Variants in LRP6 observed in about 807,000 individuals in gnomAD.
LRP6 encodes the protein LDL receptor related protein 6.
LRP6 carries 43 observed loss-of-function variants against 184.1 expected under a neutral mutation model. The ratio of observed to expected loss-of-function variants is 0.23; its 90% CI spans 0.18 to 0.30. The LOEUF is 0.30. Among genes scored for constraint, LRP6 ranks in the 10% least tolerant of loss-of-function variants. The pLI, the probability that LRP6 is intolerant of heterozygous loss-of-function variation, is 1.00. For missense variants in LRP6, 1,571 were observed against 2,005.3 expected, an observed-to-expected ratio of 0.78 and a Z score of 4.14; for synonymous variants, 719 against 684.9, an observed-to-expected ratio of 1.05 and a Z score of -0.78.
At chr12:12,249,671 A>AAGGAAG (rs1865274090) in intron 1 of LRP6, among the ~76,000 whole-genome samples, 1 of 141,452 alleles carries the variant, frequency 7.1e-6, no homozygotes, top group Admixed American at 7.1e-5. Context: ...GTGCTATAAC[A>AAGGAAG]GAAGGAAGGA....
chr12:12,248,867 T>C (rs1234229282), intron 1 of LRP6: 2 of 301,432 alleles, frequency 6.6e-6, no homozygotes, highest in Admixed American at 9.2e-5. Flanking sequence ...CATACAATAC[T>C]ACCTATTTTT....
intron 7 of LRP6, among the ~76,000 whole-genome samples, chr12:12,177,618 T>C (rs1863227636): frequency 6.6e-6 from 1 of 152,174 alleles, no homozygotes; most frequent in South Asian, 2.1e-4. Flanking sequence ...AATAAATAAC[T>C]ATATGCTGTA....
At chr12:12,216,655 T>TAAAAA (rs34936968) in intron 2 of LRP6, among the ~76,000 whole-genome samples, 1 of 137,050 alleles carries the variant, frequency 7.3e-6, no homozygotes, top group South Asian at 2.3e-4. Context: ...ACTTAAAATT[T>TAAAAA]AAAAAAAAAA....
intron 7 of LRP6, among the ~76,000 whole-genome samples, chr12:12,171,174 T>A (rs1245404437): frequency 6.6e-6 from 1 of 152,130 alleles, no homozygotes; most frequent in Non-Finnish European, 1.5e-5. Flanking sequence ...AAGAAGCAAG[T>A]CCAAGGACAC....
chr12:12,205,355 AAG>A (rs1565646821), intron 2 of LRP6, among the ~76,000 whole-genome samples: 4 of 136,230 alleles, frequency 2.9e-5, no homozygotes, highest in Admixed American at 2.1e-4. Context: ...AAAAAAAAAA[AAG>A]AGGTAATGAG....
intron 19 of LRP6, among the ~76,000 whole-genome samples, chr12:12,127,867 A>C (rs528720776): frequency 4.6e-5 from 7 of 152,328 alleles, no homozygotes; most frequent in African/African-American, 1.7e-4. Context: ...ATATGAAAGA[A>C]ATGCGTGAAA....
At chr12:12,206,814 G>A (rs1378896972) in intron 2 of LRP6, among the ~76,000 whole-genome samples, 1 of 151,212 alleles carries the variant, frequency 6.6e-6, no homozygotes, top group South Asian at 2.1e-4. Context: ...TTTTCAGGAG[G>A]GAGAAAAAAA....
At chr12:12,145,886 C>A (rs1421253585) in intron 15 of LRP6, among the ~76,000 whole-genome samples, 1 of 152,050 alleles carries the variant, frequency 6.6e-6, no homozygotes, top group East Asian at 1.9e-4. Flanking sequence ...CCCTCTTCGG[C>A]CTCTCAAAGT....
At chr12:12,260,301 C>G (rs1387192346) in intron 1 of LRP6, among the ~76,000 whole-genome samples, 1 of 151,758 alleles carries the variant, frequency 6.6e-6, no homozygotes, top group East Asian at 1.9e-4. Context: ...TGGCGTGAAC[C>G]CGGGGGGCGG....
rs1296764533 is a variant in LRP6 at position 12,266,816 on chromosome 12, A to G, written c.-81T>C. 4.4e-6 allele frequency: 5 copies of G among 1,148,816 alleles called. No individual in the cohort carries two copies. The highest frequency in any genetic ancestry group is 6.5e-6 in the Non-Finnish European group (5 of 771,958). The allele number at this position is 1,148,816 out of a possible 1,614,324, so 71.2% of individuals were successfully genotyped here. The stretch of plus-strand genomic sequence containing the variant: ...GGCGAGGAGCCGGGGCGGCCGCCGC[A>G]GCGGCAGGGCTGCACGCTCATACTT... On this transcript the variant is annotated 5_prime_UTR_variant, in exon 1 of 23. Coordinates refer to ENST00000261349, the MANE Select transcript of LRP6 (RefSeq NM_002336.3).
intron 1 of LRP6, among the ~76,000 whole-genome samples, chr12:12,254,143 C>CAAAAAAA (rs34210761): frequency 3.0e-4 from 22 of 74,270 alleles, no homozygotes; most frequent in Admixed American, 8.0e-4. Flanking sequence ...GACTCTGTCT[C>CAAAAAAA]AAAAAAAAAA....
chr12:12,171,149 T>C (rs1330310617), intron 7 of LRP6, among the ~76,000 whole-genome samples: 1 of 152,076 alleles, frequency 6.6e-6, no homozygotes, highest in African/African-American at 2.4e-5. Flanking sequence ...TTTTAAAAAA[T>C]GAAGAGAAAA....
At chr12:12,200,571 C>T (rs1325851162) in intron 3 of LRP6, among the ~76,000 whole-genome samples, 3 of 152,080 alleles carry the variant, frequency 2.0e-5, no homozygotes, top group South Asian at 4.2e-4. Flanking sequence ...TTGGGGCAGC[C>T]CCTCTCATCT....
In LRP6 at chr12:12,117,293, G is replaced by C. The variant is rs551499354; in HGVS notation, c.*3833C>G. On this transcript the variant is annotated 3_prime_UTR_variant, in exon 23 of 23. Transcript: ENST00000261349. ...CCACACTTAGTGCATAGTCTCATCT[G>C]TAGATGCCCAAATATTTGTCCACCT... The C allele has an allele frequency of 1.4e-4, 22 of 152,162 alleles. No individual in the cohort carries two copies. The highest frequency in any genetic ancestry group is 2.5e-4 in the Non-Finnish European group (17 of 68,018). 9.4% of individuals were successfully genotyped at this position (152,162 alleles called of 1,614,324 possible). A position where few individuals can be genotyped will look rare whatever the true frequency, so the allele number is the denominator to read the frequency against.
rs771597862 is a variant in LRP6, at chr12:12,147,526, C to T, written c.3237G>A (p.Arg1079=). ...GYMYFTNLQE[R]SPKIERAALD... ...AAGCAGCCCGTTCAATTTTAGGAGACCTTTCCTGAAGATTGGTAAAATACA... is the reference window on the plus strand; with the variant it reads ...AAGCAGCCCGTTCAATTTTAGGAGATCTTTCCTGAAGATTGGTAAAATACA... The change falls in exon 15 of 23, where the codon AGG becomes AGA. Residue 1079 remains arginine (R), a synonymous_variant. Transcript: ENST00000261349. The T allele has an allele frequency of 1.1e-5, 17 of 1,613,778 alleles. No homozygotes were observed. In the East Asian group the frequency reaches 3.6e-4, roughly 34 times the overall value.
intron 3 of LRP6, among the ~76,000 whole-genome samples, chr12:12,200,621 G>T (rs1401666010): frequency 1.3e-5 from 2 of 152,114 alleles, no homozygotes; most frequent in African/African-American, 4.8e-5. Flanking sequence ...TTTTGAAGTT[G>T]TTTCTGCAAA....
intron 5 of LRP6, among the ~76,000 whole-genome samples, chr12:12,182,591 T>C (rs1863370259): frequency 6.6e-6 from 1 of 152,166 alleles, no homozygotes; most frequent in Admixed American, 6.5e-5. Flanking sequence ...CAAGAATCAA[T>C]CTGCAATTAC....
chr12:12,164,919 T>TTAA (rs1280117813), intron 8 of LRP6, among the ~76,000 whole-genome samples, 160 bp downstream of exon 8: 2 of 57,076 alleles, frequency 3.5e-5, no homozygotes, highest in African/African-American at 5.2e-5. Flanking sequence ...CCCTTCTCAG[T>TTAA]AAAAAAAAAA....
chr12:12,171,268 G>A lies in LRP6; in HGVS notation c.1546-5973C>T, dbSNP rs147313430. Among the ~76,000 whole-genome samples the A allele has an allele frequency of 1.9e-3, 284 of 152,292 alleles. 1 individual carries two copies. Among genetic ancestry groups the A allele is most frequent in the East Asian group, 8.5e-3 (44 of 5,186 alleles). Reference sequence around the variant, plus strand: ...GCGGTGGCTCACGCCTGTAATCCCAGCACTTTGGGAGGCCAAGGAGGGCGG... The same window carrying A: ...GCGGTGGCTCACGCCTGTAATCCCAACACTTTGGGAGGCCAAGGAGGGCGG... On this transcript the variant is annotated intron_variant, in intron 7 of 22. Transcript: ENST00000261349.
Sources: allele counts gnomAD v4.1 joint callset (sites outside exome capture counted in the v4.1 genomes callset), GRCh38; gene constraint gnomAD v4.1.1; transcripts MANE v1.5; gene names NCBI Gene and HGNC (gene_info 2026-07-23, HGNC 2026-07-21).